ADGRF5: variants seen among roughly 807,000 people sequenced by gnomAD.
The protein encoded by ADGRF5 is adhesion G protein-coupled receptor F5.
A neutral mutation model predicts 132.3 loss-of-function variants in ADGRF5; 75 were observed. The ratio of observed to expected loss-of-function variants is 0.57; its 90% confidence interval spans 0.47 to 0.69. The LOEUF (loss-of-function observed/expected upper bound fraction) is 0.69. ADGRF5 is among the 30% of genes least tolerant of loss of function. The pLI, the probability that ADGRF5 is intolerant of heterozygous loss-of-function variation, is 0.00. For missense variants in ADGRF5, 1,516 were observed against 1,630.6 expected, an observed-to-expected ratio of 0.93 and a Z score of 1.21; for synonymous variants, 629 against 597.6, an observed-to-expected ratio of 1.05 and a Z score of -0.77.
upstream of ADGRF5, among the ~76,000 whole-genome samples, chr6:46,926,437 C>A (rs1302318866): frequency 1.3e-5 from 2 of 151,632 alleles, no homozygotes; most frequent in African/African-American, 2.4e-5. Context: ...TTAGCACTAC[C>A]CCCTCTGCCA....
intron 13 of ADGRF5, among the ~76,000 whole-genome samples, chr6:46,865,661 T>C (rs1030260721): frequency 2.0e-5 from 3 of 152,224 alleles, no homozygotes; most frequent in African/African-American, 7.2e-5. Context: ...ACTGAATGTA[T>C]GCATATTAAA....
chr6:46,905,966 A>G (rs1390380982), intron 2 of ADGRF5, among the ~76,000 whole-genome samples: 1 of 152,232 alleles, frequency 6.6e-6, no homozygotes, highest in Non-Finnish European at 1.5e-5. Context: ...ATTGAGACAG[A>G]GAGAATTACA....
intron 15 of ADGRF5, among the ~76,000 whole-genome samples, chr6:46,861,378 C>T (rs547919498): frequency 4.6e-5 from 7 of 152,174 alleles, no homozygotes; most frequent in South Asian, 2.1e-4. Context: ...AAATGTGTCC[C>T]GACTTAGATG....
In ADGRF5 at chr6:46,859,520, C is replaced by T. The variant is rs200270176; in HGVS notation, c.2383G>A (p.Val795Met). The T allele has an allele frequency of 5.2e-4, 825 of 1,592,918 alleles. No individual in the cohort carries two copies. The highest frequency in any genetic ancestry group is 7.4e-4 in the Admixed American group (43 of 58,010). ...AGGATGACATTAACCGTAGAGAGCA[C>T]GTGCTGAAAGTGAAATGGTATGGGG... The part of the protein sequence containing the change: ...TQVNSEMMTH[V>M]LSTVNVILGK... The change falls in exon 17 of 21, where the codon GTG (valine) becomes ATG (methionine). Residue 795 changes from valine to methionine, a missense_variant. Val to Met is a conservative substitution (Grantham distance 21, BLOSUM62 1). Coordinates refer to ENST00000283296, the MANE Select transcript of ADGRF5 (RefSeq NM_001098518.2).
intron 1 of ADGRF5, among the ~76,000 whole-genome samples, chr6:46,931,070 A>G (rs1458538377): frequency 2.6e-5 from 4 of 152,050 alleles, no homozygotes; most frequent in Admixed American, 6.6e-5. Context: ...AATAATAAAC[A>G]TTCATCTTCC....
intron 10 of ADGRF5, among the ~76,000 whole-genome samples, chr6:46,873,279 A>G (rs1390278325): frequency 6.6e-6 from 1 of 151,448 alleles, no homozygotes; most frequent in Non-Finnish European, 1.5e-5. Context: ...TCTTCATACC[A>G]CCATGCTTCT....
At chr6:46,854,318 G>A (rs1562129177) in intron 20 of ADGRF5, among the ~76,000 whole-genome samples, 1 of 152,172 alleles carries the variant, frequency 6.6e-6, no homozygotes, top group Non-Finnish European at 1.5e-5. Flanking sequence ...CCAGCAGCCA[G>A]GTTTCTACAG....
At position 46,852,592 on chromosome 6, in the gene ADGRF5, G is replaced by A. The variant is rs1054050917; in HGVS notation, c.*1400C>T. On this transcript the variant is annotated 3_prime_UTR_variant, in exon 21 of 21. Coordinates refer to ENST00000283296, the MANE Select transcript of ADGRF5 (RefSeq NM_001098518.2). ...TAGTACATGGTTAACTCTAATATGC[G>A]TGCAATTTTCATAAATATTTATATT... is the stretch of plus-strand genomic sequence containing the variant. The A allele has an allele frequency of 4.6e-5, 7 of 151,446 alleles. No homozygotes were observed. Among genetic ancestry groups the A allele is most frequent in the Admixed American group, 1.3e-4 (2 of 15,242 alleles). The allele number at this position is 151,446 out of a possible 1,614,324, so 9.4% of individuals were successfully genotyped here.
chr6:46,949,418 T>C (rs1010041868), intron 1 of ADGRF5, among the ~76,000 whole-genome samples: 2 of 152,224 alleles, frequency 1.3e-5, no homozygotes, highest in African/African-American at 4.8e-5. Context: ...TAAGTCTTAC[T>C]TCTCTAAAAG....
rs1443041017 is a variant in ADGRF5 at position 46,884,756 on chromosome 6, CTCTT to C, written c.329-489_329-486del. Among the ~76,000 whole-genome samples, 5 of 152,324 alleles carry C rather than the reference CTCTT, an allele frequency of 3.3e-5. No homozygotes were observed. The South Asian group carries it at 6.2e-4, about 19-fold the overall frequency. On this transcript the variant is annotated intron_variant, in intron 4 of 20. Coordinates refer to ENST00000283296, the MANE Select transcript of ADGRF5 (RefSeq NM_001098518.2). The stretch of plus-strand genomic sequence containing the variant: ...CTATAGTTCCTCTTGGTTGCTCTCT[CTCTT>C]TCTCTTTCTCCCCTCACTCTGGGGG...
intron 7 of ADGRF5, 52 bp from the exon 8 acceptor site, chr6:46,881,649 T>C (rs1562184058): frequency 2.0e-6 from 3 of 1,521,852 alleles, no homozygotes; most frequent in Non-Finnish European, 9.0e-7. Flanking sequence ...TGGAAGAGTC[T>C]AGATATTTAT....
At chr6:46,937,955 C>T (rs1161082971) in intron 1 of ADGRF5, among the ~76,000 whole-genome samples, 1 of 152,078 alleles carries the variant, frequency 6.6e-6, no homozygotes, top group Non-Finnish European at 1.5e-5. Context: ...CTGGAATTTT[C>T]CATTTAATAT....
chr6:46,918,045 G>T (rs1776578951), intron 1 of ADGRF5, among the ~76,000 whole-genome samples: 1 of 152,210 alleles, frequency 6.6e-6, no homozygotes, highest in Non-Finnish European at 1.5e-5. Context: ...TCCAGAGTAG[G>T]TGATTCTACT....
chr6:46,932,078 T>C (rs1412304071), intron 1 of ADGRF5, among the ~76,000 whole-genome samples: 2 of 152,208 alleles, frequency 1.3e-5, no homozygotes, highest in Non-Finnish European at 2.9e-5. Context: ...AATAATTATA[T>C]TGAAATACAG....
rs142423254 is a variant in ADGRF5, at chr6:46,899,062, G to T, written c.157+967C>A. The stretch of plus-strand genomic sequence containing the variant: ...ATAATTACAGTGCTTTGGGACAAAT[G>T]TTGTGAATGGAAATGTATCAAGGGG... On this transcript the variant is annotated intron_variant, in intron 3 of 20. Transcript: ENST00000283296. Among the ~76,000 whole-genome samples, 28 of 152,264 alleles carry T rather than the reference G, an allele frequency of 1.8e-4. No individual in the cohort carries two copies. In the East Asian group the frequency reaches 5.4e-3, roughly 29 times the overall value.
At chr6:46,953,649 GTGTATATATATATA>G (rs1471547345) in intron 1 of ADGRF5, among the ~76,000 whole-genome samples, 1,081 of 91,484 alleles carry the variant, frequency 0.012, 62 homozygotes, top group African/African-American at 0.045. Flanking sequence ...ATAGATATAT[GTGTATATATATATA>G]TATATATATA....
At chr6:46,897,011 G>A (rs191378056) in intron 3 of ADGRF5, among the ~76,000 whole-genome samples, 4 of 152,038 alleles carry the variant, frequency 2.6e-5, no homozygotes, top group Admixed American at 1.3e-4. Context: ...TTCAGCATAT[G>A]CACATTTTGG....
Position 46,936,344 on chromosome 6 carries a change from A to G in ADGRF5, c.-25+18390T>C, listed in dbSNP as rs570266168. ...ACTTTGTGGTTTCGCTGTTGGTCAT[A>G]TGGTGCTGAGGTCCTTACTGTATCT... On this transcript the variant is annotated intron_variant, in intron 1 of 20. Transcript: ENST00000265417. Among the ~76,000 whole-genome samples the G allele has an allele frequency of 1.8e-4, 28 of 152,280 alleles. No individual in the cohort carries two copies. The East Asian group carries it at 5.4e-3, about 29-fold the overall frequency.
At chr6:46,921,537 C>A (rs1294054497) in intron 1 of ADGRF5, among the ~76,000 whole-genome samples, 176 bp downstream of exon 1, 1 of 152,174 alleles carries the variant, frequency 6.6e-6, no homozygotes, top group African/African-American at 2.4e-5. Context: ...ATGCACAATG[C>A]TCTTGACTGG....
Sources: gnomAD v4.1 joint callset for allele counts (sites outside exome capture counted in the v4.1 genomes callset) on GRCh38, gnomAD v4.1.1 for gene constraint, MANE v1.5 for transcripts, NCBI Gene and HGNC (gene_info 2026-07-23, HGNC 2026-07-21) for gene names.